The following NUCB1 variants were observed in gnomAD, a reference collection of about 807,000 sequenced individuals.
NUCB1 encodes nucleobindin-1.
In NUCB1, 47 loss-of-function variants were observed where a neutral mutation model predicts 61.2. The ratio of observed to expected loss-of-function variants is 0.77; its 90% CI spans 0.61 to 0.98. The LOEUF is 0.98. NUCB1 is among the 50% of genes least tolerant of loss of function. The pLI, the probability that NUCB1 is intolerant of heterozygous loss-of-function variation, is 0.00. For synonymous variants in NUCB1, 234 were observed against 243.1 expected, an observed-to-expected ratio of 0.96 and a Z score of 0.35; for missense variants, 583 against 605.3, an observed-to-expected ratio of 0.96 and a Z score of 0.39.
chr19:48,906,070 T>C (rs1445607325), intron 4 of NUCB1, among the ~76,000 whole-genome samples, 185 bp downstream of exon 4: 1 of 152,162 alleles, frequency 6.6e-6, no homozygotes, highest in East Asian at 1.9e-4. Context: ...AACATTACAA[T>C]GTTGTTTGTT....
chr19:48,919,961 G>T (rs887834471), intron 10 of NUCB1, among the ~76,000 whole-genome samples: 1 of 151,670 alleles, frequency 6.6e-6, no homozygotes, highest in African/African-American at 2.4e-5. Flanking sequence ...TAGAGATGGG[G>T]TTTTGCCATA....
At chr19:48,903,876 GGATGGA>G (rs1255100988) in intron 2 of NUCB1, among the ~76,000 whole-genome samples, 59 of 145,630 alleles carry the variant, frequency 4.1e-4, no homozygotes, top group African/African-American at 1.5e-3. Context: ...ATGGATGGAT[GGATGGA>G]TGGGTGGGTG....
At chr19:48,919,003 C>G in intron 8 of NUCB1, 27 bp from the exon 9 acceptor site, 1 of 1,604,644 alleles carries the variant, frequency 6.2e-7, no homozygotes, top group Non-Finnish European at 8.5e-7. Flanking sequence ...CCTCTCAATG[C>G]TGTCTGCCTC....
chr19:48,902,434 T>A (rs926166643), intron 2 of NUCB1, among the ~76,000 whole-genome samples: 1 of 148,574 alleles, frequency 6.7e-6, no homozygotes, highest in Non-Finnish European at 1.5e-5. Flanking sequence ...TTTTTTTTTT[T>A]TTTTATTTTT....
chr19:48,916,475 C>T (rs571189423), intron 7 of NUCB1, among the ~76,000 whole-genome samples: 12 of 152,066 alleles, frequency 7.9e-5, no homozygotes, highest in Non-Finnish European at 1.3e-4. Context: ...CAAAAATTAG[C>T]TGGGTGTGGT....
At chr19:48,918,886 A>C (rs2037572294) in intron 8 of NUCB1, 102 bp downstream of exon 8, 5 of 1,335,878 alleles carry the variant, frequency 3.7e-6, no homozygotes, top group Non-Finnish European at 5.3e-6. Context: ...AGCTCAGTGA[A>C]AACTACAACT....
intron 2 of NUCB1, among the ~76,000 whole-genome samples, chr19:48,903,553 GGTGGATGGATGGATGA>G (rs1372111117): frequency 1.1e-3 from 144 of 130,156 alleles, no homozygotes; most frequent in African/African-American, 2.0e-3. Context: ...TCGATGGGTG[GGTGGATGGATGGATGA>G]GTGGATGGAT....
In NUCB1 at chr19:48,900,856, G is replaced by A. The variant is rs376592718; in HGVS notation, c.60G>A (p.Leu20=). 5.6e-5 allele frequency: 90 copies of A among 1,613,760 alleles called. No homozygotes were observed. Among genetic ancestry groups the A allele is most frequent in the Non-Finnish European group, 7.1e-5 (84 of 1,180,036 alleles). Residue 20 remains leucine (L), a synonymous_variant, in exon 2 of 13, where the codon CTG becomes CTA. Transcript: ENST00000405315. The part of the protein sequence containing the change: ...LLLLPLLLLL[L]LRAVLAVPLE... The stretch of plus-strand genomic sequence containing the variant: ...TGTTGCCGCTGCTGCTGCTGCTCCT[G>A]CTTCGCGCCGTGCTGGCTGTCCCCC...
At chr19:48,918,516 C>G in intron 7 of NUCB1, 1 of 594,576 alleles carries the variant, frequency 1.7e-6, no homozygotes, top group Non-Finnish European at 3.1e-6. Context: ...TTGATCTATT[C>G]CATTCTCAAC....
chr19:48,913,311 GTTACT>G, intron 6 of NUCB1, 115 bp downstream of exon 6: 1 of 1,246,970 alleles, frequency 8.0e-7, no homozygotes, highest in African/African-American at 1.5e-5. Flanking sequence ...AAAACTCCCT[GTTACT>G]GTACCTGGCT....
At chr19:48,914,438 CA>C (rs2037516710) in intron 7 of NUCB1, among the ~76,000 whole-genome samples, 1 of 152,068 alleles carries the variant, frequency 6.6e-6, no homozygotes, top group African/African-American at 2.4e-5. Flanking sequence ...CTGACTCATT[CA>C]TTCAGCAAAC....
At chr19:48,914,724 T>A (rs2037520190) in intron 7 of NUCB1, among the ~76,000 whole-genome samples, 1 of 151,566 alleles carries the variant, frequency 6.6e-6, no homozygotes, top group South Asian at 2.1e-4. Flanking sequence ...AGGTGGAAGA[T>A]GGCTTGAGCC....
At chr19:48,912,341 G>C (rs1250886045) in intron 5 of NUCB1, among the ~76,000 whole-genome samples, 1 of 151,932 alleles carries the variant, frequency 6.6e-6, no homozygotes, top group Non-Finnish European at 1.5e-5. Context: ...TTATGTTCTT[G>C]GCCACCTAGC....
chr19:48,916,708 G>A (rs1264763581), intron 7 of NUCB1, among the ~76,000 whole-genome samples: 1 of 152,108 alleles, frequency 6.6e-6, no homozygotes, highest in African/African-American at 2.4e-5. Context: ...AGGAGCTCAA[G>A]AGATCGAGAC....
At chr19:48,901,760 ACT>A (rs2037355480) in intron 2 of NUCB1, among the ~76,000 whole-genome samples, 1 of 151,964 alleles carries the variant, frequency 6.6e-6, no homozygotes, top group South Asian at 2.1e-4. Context: ...CAGAGCTGAG[ACT>A]CTGTTTTCTG....
chr19:48,917,748 G>A (rs190549598), intron 7 of NUCB1, among the ~76,000 whole-genome samples: 137 of 151,636 alleles, frequency 9.0e-4, no homozygotes, highest in Non-Finnish European at 1.7e-3. Context: ...CTCCTGCCTC[G>A]GCCTCCCAAA....
intron 5 of NUCB1, among the ~76,000 whole-genome samples, chr19:48,912,178 C>T (rs1398571650): frequency 6.6e-6 from 1 of 151,874 alleles, no homozygotes; most frequent in Non-Finnish European, 1.5e-5. Context: ...GTGCAAGCCA[C>T]CGCACCAGGC....
chr19:48,915,823 T>G (rs1290702676), intron 7 of NUCB1, among the ~76,000 whole-genome samples: 1 of 146,952 alleles, frequency 6.8e-6, no homozygotes, highest in South Asian at 2.2e-4. Context: ...TTTTGTTTTG[T>G]TTTTTTTTTG....
rs1358115380 is a variant in NUCB1, at chr19:48,903,526, ATGGGTGGG to A, written c.136-817_136-810del. 4.4e-3 allele frequency among the ~76,000 whole-genome samples: 438 copies of A among 99,762 alleles called. 16 individuals are homozygous for A. Among genetic ancestry groups the A allele is most frequent in the Non-Finnish European group, 5.9e-3 (296 of 50,048 alleles). 65.4% of individuals were successfully genotyped at this position (99,762 alleles called of 152,430 possible). A position where few individuals can be genotyped will look rare whatever the true frequency, so the allele number is the denominator to read the frequency against. On this transcript the variant is annotated intron_variant, in intron 2 of 12. Coordinates refer to ENST00000405315, the MANE Select transcript of NUCB1 (RefSeq NM_006184.6). Reference sequence around the variant, plus strand: ...GGTGGGTGGATGAGTGGATGGATGGATGGGTGGGTGGATGGATCGATGGGTGGGTGGAT... The same window carrying A: ...GGTGGGTGGATGAGTGGATGGATGGATGGATGGATCGATGGGTGGGTGGAT...
Sources: allele counts gnomAD v4.1 joint callset (sites outside exome capture counted in the v4.1 genomes callset), GRCh38; gene constraint gnomAD v4.1.1; transcripts MANE v1.5; gene names NCBI Gene and HGNC (gene_info 2026-07-23, HGNC 2026-07-21).